The following COL4A3 variants were observed in gnomAD, a reference collection of about 807,000 sequenced individuals.
COL4A3 encodes collagen alpha-3(IV) chain.
In COL4A3, 135 loss-of-function variants were observed where a neutral mutation model predicts 217.4. The ratio of observed to expected loss-of-function variants is 0.62; its 90% CI spans 0.54 to 0.72. The LOEUF is 0.72. Ranked by LOEUF, COL4A3 falls within the 30% of genes least tolerant of loss-of-function variation. COL4A3 has a pLI of 0.00. For missense variants in COL4A3, 1,868 were observed against 2,119.9 expected, an observed-to-expected ratio of 0.88 and a Z score of 2.33; for synonymous variants, 690 against 736.3, an observed-to-expected ratio of 0.94 and a Z score of 1.02.
intron 31 of COL4A3, 59 bp downstream of exon 31, chr2:227,281,065 C>T: frequency 9.9e-7 from 1 of 1,007,544 alleles, no homozygotes; most frequent in Non-Finnish European, 1.5e-6. Flanking sequence ...GACTCCTGCT[C>T]TGTGCTTTGC....
intron 1 of COL4A3, among the ~76,000 whole-genome samples, chr2:227,205,900 G>T (rs747416215): frequency 6.6e-6 from 1 of 152,186 alleles, no homozygotes; most frequent in Non-Finnish European, 1.5e-5. Flanking sequence ...GCAAGTTGAT[G>T]CATTGTATCT....
chr2:227,307,650 T>A, intron 47 of COL4A3, 60 bp from the exon 48 acceptor site: 1 of 1,394,664 alleles, frequency 7.2e-7, no homozygotes, highest in South Asian at 1.2e-5. Context: ...ATTAGTACTT[T>A]GAAAAAACGA....
chr2:227,213,067 T>C (rs1275975380), intron 1 of COL4A3, among the ~76,000 whole-genome samples: 1 of 152,234 alleles, frequency 6.6e-6, no homozygotes, highest in East Asian at 1.9e-4. Context: ...GTAAACATAA[T>C]AGCTACTTCC....
At chr2:227,183,539 G>A (rs968131059) in intron 1 of COL4A3, among the ~76,000 whole-genome samples, 4 of 152,074 alleles carry the variant, frequency 2.6e-5, no homozygotes, top group East Asian at 3.8e-4. Flanking sequence ...AGGCATTAGG[G>A]GGCATACAGG....
At chr2:227,172,360 A>T (rs192352393) in intron 1 of COL4A3, among the ~76,000 whole-genome samples, 1 of 152,188 alleles carries the variant, frequency 6.6e-6, no homozygotes, top group East Asian at 1.9e-4. Flanking sequence ...TACCTACAGT[A>T]ACAAAATGTC....
At chr2:227,207,643 G>A (rs1032167878) in intron 1 of COL4A3, among the ~76,000 whole-genome samples, 3 of 152,226 alleles carry the variant, frequency 2.0e-5, no homozygotes, top group Non-Finnish European at 2.9e-5. Context: ...GTTCACATAC[G>A]CACTTTGGTG....
At position 227,191,689 on chromosome 2, in the gene COL4A3, A is replaced by G. The variant is rs1559807819; in HGVS notation, c.87+26876A>G. 6.6e-6 allele frequency among the ~76,000 whole-genome samples: 1 copy of G among 152,244 alleles called. No individual in the cohort carries two copies. Among genetic ancestry groups the G allele is most frequent in the Non-Finnish European group, 1.5e-5 (1 of 68,048 alleles). On this transcript the variant is annotated intron_variant, in intron 1 of 51. Coordinates refer to ENST00000396578, the MANE Select transcript of COL4A3 (RefSeq NM_000091.5). The surrounding 1 kb of genome is among the most constrained non-coding windows in gnomAD (Gnocchi z 6.8). The stretch of plus-strand genomic sequence containing the variant: ...GGCCTGCAAGAAACTTTATTCTAAT[A>G]AAAGACAACTGTGTTTACAACTACT...
intron 8 of COL4A3, 69 bp downstream of exon 8, chr2:227,247,653 T>A: frequency 7.1e-7 from 1 of 1,403,240 alleles, no homozygotes; most frequent in East Asian, 2.3e-5. Context: ...GTCTATTAAA[T>A]AATGAGACTT....
At position 227,202,763 on chromosome 2, in the gene COL4A3, A is replaced by ATATTATATATATATATATATG. The variant is rs2066756009; in HGVS notation, c.88-35202_88-35201insTATATATATATATATATGTAT. ...AAAAAAAAAATATATATATATATAT[A>ATATTATATATATATATATATG]TATATATATCACATATATATACACA... On this transcript the variant is annotated intron_variant, in intron 1 of 51. Transcript: ENST00000396578. Among the ~76,000 whole-genome samples the ATATTATATATATATATATATG allele has an allele frequency of 1.8e-5, 2 of 109,632 alleles. 1 individual carries two copies. The highest frequency in any genetic ancestry group is 3.9e-5 in the Non-Finnish European group (2 of 51,502). 71.9% of individuals were successfully genotyped at this position (109,632 alleles called of 152,430 possible).
At chr2:227,270,029 C>T (rs779113611) in intron 24 of COL4A3, 49 bp downstream of exon 24, 24 of 1,485,976 alleles carry the variant, frequency 1.6e-5, no homozygotes, top group Non-Finnish European at 2.1e-5. Context: ...ACAAATTGCA[C>T]ACTCTAGAAA....
chr2:227,226,722 G>A (rs1412835054), intron 1 of COL4A3, among the ~76,000 whole-genome samples: 5 of 152,064 alleles, frequency 3.3e-5, no homozygotes, highest in Non-Finnish European at 7.4e-5. Context: ...TACCTGCCTC[G>A]GCCTCCCAAA....
At chr2:227,218,316 A>G (rs1181141756) in intron 1 of COL4A3, among the ~76,000 whole-genome samples, 1 of 151,880 alleles carries the variant, frequency 6.6e-6, no homozygotes, top group Non-Finnish European at 1.5e-5. Flanking sequence ...GATACAAAAA[A>G]TTAGCCGGGC....
chr2:227,273,702 T>A (rs2071378755), intron 26 of COL4A3, among the ~76,000 whole-genome samples: 1 of 152,208 alleles, frequency 6.6e-6, no homozygotes, highest in African/African-American at 2.4e-5. Flanking sequence ...TGAGCCACTG[T>A]GCGCAGCCAC....
At chr2:227,210,088 G>T (rs2067254644) in intron 1 of COL4A3, among the ~76,000 whole-genome samples, 1 of 152,240 alleles carries the variant, frequency 6.6e-6, no homozygotes, top group Admixed American at 6.5e-5. Flanking sequence ...TGCCAGGCAT[G>T]TAGTAAAAGC....
intron 20 of COL4A3, among the ~76,000 whole-genome samples, chr2:227,262,839 C>A (rs1324414714): frequency 6.6e-6 from 1 of 151,960 alleles, no homozygotes; most frequent in Non-Finnish European, 1.5e-5. Context: ...AAGCATACAG[C>A]TAGATAGAAG....
intron 1 of COL4A3, among the ~76,000 whole-genome samples, chr2:227,198,592 T>C (rs1375489097): frequency 6.6e-6 from 1 of 152,170 alleles, no homozygotes; most frequent in Non-Finnish European, 1.5e-5. Context: ...TGTATTCATC[T>C]AACAAACACT....
At chr2:227,267,288 T>C (rs941289048) in intron 23 of COL4A3, among the ~76,000 whole-genome samples, 200 bp downstream of exon 23, 5 of 152,242 alleles carry the variant, frequency 3.3e-5, no homozygotes, top group Non-Finnish European at 7.3e-5. Flanking sequence ...TCCATTTTAG[T>C]TGCTGACCCC....
chr2:227,302,475 G>A (rs927918853), intron 43 of COL4A3, among the ~76,000 whole-genome samples: 1 of 151,942 alleles, frequency 6.6e-6, no homozygotes, highest in African/African-American at 2.4e-5. Context: ...TCAGGAGGTC[G>A]AGACCAGCTG....
intron 17 of COL4A3, among the ~76,000 whole-genome samples, chr2:227,257,058 T>C (rs981391425): frequency 6.6e-6 from 1 of 152,212 alleles, no homozygotes; most frequent in Non-Finnish European, 1.5e-5. Flanking sequence ...AAATATGTAG[T>C]AAAAATGTGA....
Sources: gnomAD v4.1 joint callset for allele counts (sites outside exome capture counted in the v4.1 genomes callset) on GRCh38, gnomAD v4.1.1 for gene constraint, Gnocchi (gnomAD v3.1) non-coding constraint, MANE v1.5 for transcripts, NCBI Gene and HGNC (gene_info 2026-07-23, HGNC 2026-07-21) for gene names.